RUNX3: variants seen among roughly 807,000 people sequenced by gnomAD.
RUNX3 encodes runt-related transcription factor 3.
RUNX3 carries 10 observed loss-of-function variants against 27.7 expected under a neutral mutation model. That is an observed-to-expected ratio of 0.36 (90% confidence interval 0.22 to 0.61). The LOEUF is 0.61. RUNX3 is among the 20% of genes least tolerant of loss of function. The pLI is 0.72. For missense variants in RUNX3, 469 were observed against 629.5 expected (o/e 0.75, Z 2.73); for synonymous variants, 270 against 269.2 (o/e 1.00, Z -0.03).
chr1:24,905,862 G>T (rs191829286), intron 4 of RUNX3, among the ~76,000 whole-genome samples: 2 of 152,240 alleles, frequency 1.3e-5, no homozygotes, highest in African/African-American at 4.8e-5. Flanking sequence ...AGGGGTGGGC[G>T]TGAGCACAGC....
chr1:24,931,268 C>T (rs1557847937), upstream of RUNX3, among the ~76,000 whole-genome samples: 1 of 152,206 alleles, frequency 6.6e-6, no homozygotes, highest in Non-Finnish European at 1.5e-5. Flanking sequence ...TGGGCCCGTG[C>T]GCTCCGGCTG....
chr1:24,911,389 G>A (rs1048932296), intron 3 of RUNX3, among the ~76,000 whole-genome samples: 2 of 152,216 alleles, frequency 1.3e-5, no homozygotes, highest in Non-Finnish European at 1.5e-5. Context: ...AGAGGGCGGG[G>A]TTGACAGCCA....
chr1:24,951,224 T>A (rs201837285), intron 2 of RUNX3, among the ~76,000 whole-genome samples: 347 of 79,852 alleles, frequency 4.3e-3, no homozygotes, highest in African/African-American at 0.01. Flanking sequence ...AAAAAAAAAA[T>A]AAGGCAGCAT....
chr1:24,937,463 T>G (rs1641374541), intron 2 of RUNX3, among the ~76,000 whole-genome samples: 1 of 152,212 alleles, frequency 6.6e-6, no homozygotes. Flanking sequence ...GTTTCTTGAG[T>G]GCCTACTAGC....
chr1:24,907,548 C>A, intron 3 of RUNX3, 131 bp from the exon 4 acceptor site: 1 of 856,478 alleles, frequency 1.2e-6, no homozygotes, highest in South Asian at 1.8e-5. Flanking sequence ...CCTGAGGTCA[C>A]CGCCAGCCTC....
rs1212043092 is a variant in RUNX3 at position 24,930,150 on chromosome 1, T to C, written c.-282A>G. On this transcript the variant is annotated 5_prime_UTR_variant, in exon 1 of 5. Transcript: ENST00000308873. This position sits in a 1 kb window ranked among gnomAD's most constrained non-coding sequence, Gnocchi z 4.1. ...GGCCGCCCCTCGTGGCTGTCCCGGC[T>C]GCCTGGGCCGCGGCGGGGCCCGCGC... 4 of 969,420 alleles carry C rather than the reference T, an allele frequency of 4.1e-6. No homozygotes were observed. In the African/African-American group the frequency reaches 7.2e-5, roughly 17 times the overall value. 60.1% of individuals were successfully genotyped at this position (969,420 alleles called of 1,614,324 possible). A position where few individuals can be genotyped will look rare whatever the true frequency, so the allele number is the denominator to read the frequency against.
upstream of RUNX3, among the ~76,000 whole-genome samples, chr1:24,933,831 C>T (rs1641286589): frequency 6.6e-6 from 1 of 152,216 alleles, no homozygotes; most frequent in Non-Finnish European, 1.5e-5. Context: ...TCCCCATATC[C>T]CGAATCACAC....
intron 4 of RUNX3, 104 bp downstream of exon 4, chr1:24,907,155 A>C: frequency 8.3e-7 from 1 of 1,203,216 alleles, no homozygotes; most frequent in Non-Finnish European, 1.2e-6. Context: ...AAGGGGGTGC[A>C]GTGACTGATC....
intron 3 of RUNX3, among the ~76,000 whole-genome samples, chr1:24,912,400 C>G (rs1224980901): frequency 1.3e-5 from 2 of 152,142 alleles, no homozygotes; most frequent in Non-Finnish European, 2.9e-5. Flanking sequence ...ATTCTCTGCC[C>G]CCCACTCTTC....
rs146709354 is a variant in RUNX3, at chr1:24,926,363, T to C, written c.439+1211A>G. 2.0e-5 allele frequency among the ~76,000 whole-genome samples: 3 copies of C among 152,334 alleles called. No individual in the cohort carries two copies. The East Asian group carries it at 5.8e-4, about 29-fold the overall frequency. ...TTTCCATCCATCAACCTGCAACCAG[T>C]TAAGGGCACCGTTTGAAAGAAATCT... On this transcript the variant is annotated intron_variant, in intron 2 of 4. Coordinates refer to ENST00000308873, the MANE Select transcript of RUNX3 (RefSeq NM_004350.3).
chr1:24,959,144 C>T (rs553366281), intron 2 of RUNX3, among the ~76,000 whole-genome samples: 71 of 152,312 alleles, frequency 4.7e-4, no homozygotes, highest in African/African-American at 1.6e-3. Context: ...TCCAGGTAAC[C>T]GAGGGAGCCT....
At chr1:24,941,098 C>G (rs1641465334) in intron 2 of RUNX3, among the ~76,000 whole-genome samples, 1 of 152,198 alleles carries the variant, frequency 6.6e-6, no homozygotes, top group Non-Finnish European at 1.5e-5. Context: ...ACTGTTTCAT[C>G]CGGATGGTCC....
chr1:24,935,174 T>G (rs1641319249), upstream of RUNX3, among the ~76,000 whole-genome samples: 1 of 152,222 alleles, frequency 6.6e-6, no homozygotes, highest in African/African-American at 2.4e-5. Flanking sequence ...TGCAGGAGAC[T>G]GCAGCCCAGT....
intron 2 of RUNX3, among the ~76,000 whole-genome samples, chr1:24,937,714 C>G (rs1276318514): frequency 6.6e-6 from 1 of 152,222 alleles, no homozygotes; most frequent in Non-Finnish European, 1.5e-5. Flanking sequence ...TAACAGAAGG[C>G]ATAACTGAGG....
chr1:24,910,203 C>T (rs918688358), intron 3 of RUNX3, among the ~76,000 whole-genome samples: 6 of 149,554 alleles, frequency 4.0e-5, no homozygotes, highest in East Asian at 2.0e-4. Flanking sequence ...GCAGGAGAAT[C>T]GCTTGAACCC....
intron 3 of RUNX3, among the ~76,000 whole-genome samples, chr1:24,910,698 C>T (rs1374039705): frequency 6.6e-6 from 1 of 152,176 alleles, no homozygotes; most frequent in Admixed American, 6.5e-5. Flanking sequence ...AGCCAGTCAC[C>T]AAGAACCAGG....
rs1174610985 is a variant in RUNX3 at position 24,964,798 on chromosome 1, GA to G, written c.-98+37del. Reference sequence around the variant, plus strand: ...CGAGAGTGTGTGTGAGTGAGAGAGAGAAAAAAATCCCCAAGGAAAGTAAGTT... The same window carrying G: ...CGAGAGTGTGTGTGAGTGAGAGAGAGAAAAAATCCCCAAGGAAAGTAAGTT... On this transcript the variant is annotated intron_variant, in intron 1 of 6. Transcript: ENST00000338888. The G allele has an allele frequency of 1.0e-5, 12 of 1,158,428 alleles. No individual in the cohort carries two copies. In the South Asian group the frequency reaches 1.5e-4, roughly 15 times the overall value. 71.8% of individuals were successfully genotyped at this position (1,158,428 alleles called of 1,614,324 possible). A position where few individuals can be genotyped will look rare whatever the true frequency, so the allele number is the denominator to read the frequency against.
intron 3 of RUNX3, among the ~76,000 whole-genome samples, chr1:24,910,955 G>T (rs568963845): frequency 6.6e-6 from 1 of 152,234 alleles, no homozygotes; most frequent in Non-Finnish European, 1.5e-5. Context: ...TGGAGCGGAT[G>T]GGGAGGAGAT....
At chr1:24,939,415 C>T (rs1641423473) in intron 2 of RUNX3, among the ~76,000 whole-genome samples, 1 of 152,264 alleles carries the variant, frequency 6.6e-6, no homozygotes, top group Admixed American at 6.5e-5. Context: ...TCTGCATCAT[C>T]ATGCATGGAC....
Sources: gnomAD v4.1 joint callset for allele counts (sites outside exome capture counted in the v4.1 genomes callset) on GRCh38, gnomAD v4.1.1 for gene constraint, Gnocchi (gnomAD v3.1) non-coding constraint, MANE v1.5 for transcripts, NCBI Gene and HGNC (gene_info 2026-07-23, HGNC 2026-07-21) for gene names.